The following ALLC variants were observed in gnomAD, a reference collection of about 807,000 sequenced individuals.
The protein encoded by ALLC is allantoicase, also known as probable inactive allantoicase.
A neutral mutation model predicts 45.0 loss-of-function variants in ALLC; 40 were observed. The ratio of observed to expected loss-of-function variants is 0.89; its 90% confidence interval spans 0.69 to 1.16. The LOEUF (loss-of-function observed/expected upper bound fraction) is 1.16. Ranked by LOEUF, ALLC falls within the 50% of genes most tolerant of loss-of-function variation. The probability of loss-of-function intolerance (pLI) is 0.00; values close to 1 mark genes in which losing one functional copy is unlikely to be tolerated. For synonymous variants in ALLC, 176 were observed against 178.1 expected, an observed-to-expected ratio of 0.99 and a Z score of 0.09; for missense variants, 488 against 493.1, an observed-to-expected ratio of 0.99 and a Z score of 0.10.
chr2:3,675,653 G>T (rs1029253610), intron 3 of ALLC, among the ~76,000 whole-genome samples: 1 of 151,456 alleles, frequency 6.6e-6, no homozygotes, highest in Non-Finnish European at 1.5e-5. Context: ...ATATAGTCAC[G>T]CTATAACATC....
chr2:3,650,579 C>T, the ALLC span, among the ~76,000 whole-genome samples: 1 of 152,242 alleles, frequency 6.6e-6, no homozygotes, highest in Non-Finnish European at 1.5e-5. Context: ...CTGGCAGCCA[C>T]CTGCCCCATA....
chr2:3,669,655 A>G (rs1387902563), intron 1 of ALLC, among the ~76,000 whole-genome samples: 1 of 152,162 alleles, frequency 6.6e-6, no homozygotes, highest in African/African-American at 2.4e-5. Flanking sequence ...CTCAAAAATA[A>G]ATAAATAAAT....
intron 1 of ALLC, among the ~76,000 whole-genome samples, chr2:3,661,535 C>T (rs1188526406): frequency 2.0e-5 from 3 of 152,128 alleles, no homozygotes; most frequent in African/African-American, 4.8e-5. Flanking sequence ...GAGAAACAGA[C>T]CAGTGCTGGG....
chr2:3,648,280 C>T, the ALLC span, among the ~76,000 whole-genome samples: 79,763 of 152,132 alleles, frequency 0.52, 24,754 homozygotes, highest in South Asian at 0.75. Context: ...TGACACGTCT[C>T]CCAGTCACAC....
At chr2:3,674,893 C>T (rs535867935) in intron 3 of ALLC, among the ~76,000 whole-genome samples, 31 of 152,294 alleles carry the variant, frequency 2.0e-4, no homozygotes, top group South Asian at 8.3e-4. Context: ...ACCACAGGTC[C>T]GGTCTTTGAA....
intron 1 of ALLC, among the ~76,000 whole-genome samples, chr2:3,660,890 G>C (rs1482151001): frequency 6.6e-6 from 1 of 151,938 alleles, no homozygotes; most frequent in Non-Finnish European, 1.5e-5. Context: ...GAATGAGTCA[G>C]GGTGGAGCAG....
chr2:3,655,425 C>T (rs542205766), upstream of ALLC, among the ~76,000 whole-genome samples: 2 of 152,316 alleles, frequency 1.3e-5, no homozygotes, highest in East Asian at 3.9e-4. Flanking sequence ...AAAACATGCA[C>T]AGTTTATGTG....
intron 4 of ALLC, 36 bp from the exon 5 acceptor site, chr2:3,679,833 C>T (rs1236428159): frequency 1.9e-6 from 3 of 1,611,406 alleles, no homozygotes; most frequent in African/African-American, 2.7e-5. Flanking sequence ...CTGTGTTGGC[C>T]CTAACGAGAC....
the ALLC span, among the ~76,000 whole-genome samples, chr2:3,651,652 T>G: frequency 6.6e-6 from 1 of 151,770 alleles, no homozygotes; most frequent in Non-Finnish European, 1.5e-5. Flanking sequence ...AAAGGTCACT[T>G]TGGCCGTTGA....
chr2:3,698,377 C>T (rs62106593), intron 10 of ALLC, among the ~76,000 whole-genome samples: 18,567 of 152,164 alleles, frequency 0.12, 1,357 homozygotes, highest in African/African-American at 0.21. Flanking sequence ...GGCTCTGCAT[C>T]CCCCTTGGAA....
intron 1 of ALLC, among the ~76,000 whole-genome samples, chr2:3,664,391 G>T (rs1232617467): frequency 6.6e-6 from 1 of 152,162 alleles, no homozygotes; most frequent in Non-Finnish European, 1.5e-5. Flanking sequence ...TACAAATGGA[G>T]CTTGGCCAAG....
chr2:3,691,554 T>C (rs534310424), intron 7 of ALLC, among the ~76,000 whole-genome samples: 1 of 152,314 alleles, frequency 6.6e-6, no homozygotes, highest in East Asian at 1.9e-4. Flanking sequence ...TGAGCCATCA[T>C]ACCCAGCCTG....
intron 3 of ALLC, among the ~76,000 whole-genome samples, chr2:3,674,737 A>T (rs907931702): frequency 6.6e-6 from 1 of 152,224 alleles, no homozygotes; most frequent in Non-Finnish European, 1.5e-5. Context: ...GGTCCAGAGC[A>T]AGCTGAAGTA....
At chr2:3,683,752 T>C (rs1667258251) in intron 7 of ALLC, among the ~76,000 whole-genome samples, 1 of 152,248 alleles carries the variant, frequency 6.6e-6, no homozygotes, top group Non-Finnish European at 1.5e-5. Flanking sequence ...AAGGCTAATA[T>C]AGGTTGAGCA....
chr2:3,685,400 C>T (rs1444043409), intron 7 of ALLC, among the ~76,000 whole-genome samples: 1 of 150,362 alleles, frequency 6.7e-6, no homozygotes, highest in Non-Finnish European at 1.5e-5. Context: ...GAAGGCGAAG[C>T]AAGGCATGTC....
chr2:3,674,232 C>A, intron 3 of ALLC, 107 bp downstream of exon 3: 1 of 800,374 alleles, frequency 1.2e-6, no homozygotes, highest in Non-Finnish European at 2.1e-6. Flanking sequence ...ATGTGATGTA[C>A]ACTGGCAAAT....
intron 7 of ALLC, chr2:3,688,900 T>C (rs1572525674): frequency 5.4e-6 from 1 of 184,930 alleles, no homozygotes; most frequent in Admixed American, 5.0e-5. Context: ...ATGATGACAA[T>C]ATCCACTTTG....
At chr2:3,662,217 G>A (rs147890783) in intron 1 of ALLC, among the ~76,000 whole-genome samples, 2 of 152,214 alleles carry the variant, frequency 1.3e-5, no homozygotes, top group East Asian at 1.9e-4. Flanking sequence ...CACCCAGATC[G>A]TCCAGAATTA....
chr2:3,671,915 G>C (rs1400584821), intron 2 of ALLC, among the ~76,000 whole-genome samples: 5 of 100,896 alleles, frequency 5.0e-5, no homozygotes, highest in African/African-American at 8.7e-5. Flanking sequence ...CTGGTTAGAT[G>C]GGAGGTCCTC....
Sources: allele counts gnomAD v4.1 joint callset (sites outside exome capture counted in the v4.1 genomes callset), GRCh38; gene constraint gnomAD v4.1.1; transcripts MANE v1.5; gene names NCBI Gene and HGNC (gene_info 2026-07-23, HGNC 2026-07-21).